ARHGAP15: variants seen among roughly 807,000 people sequenced by gnomAD.
The protein encoded by ARHGAP15 is Rho GTPase activating protein 15, also known as rho GTPase-activating protein 15.
ARHGAP15 carries 51 observed loss-of-function variants against 63.7 expected under a neutral mutation model. That is an observed-to-expected ratio of 0.80 (90% CI 0.64 to 1.01). ARHGAP15 has a LOEUF of 1.01. Among genes scored for constraint, ARHGAP15 ranks in the 50% least tolerant of loss-of-function variants. The pLI, the probability that ARHGAP15 is intolerant of heterozygous loss-of-function variation, is 0.00. For synonymous variants in ARHGAP15, 191 were observed against 193.8 expected, an observed-to-expected ratio of 0.99 and a Z score of 0.12; for missense variants, 560 against 564.6, an observed-to-expected ratio of 0.99 and a Z score of 0.08.
chr2:143,643,765 G>A (rs773516970), intron 12 of ARHGAP15, among the ~76,000 whole-genome samples: 1 of 152,078 alleles, frequency 6.6e-6, no homozygotes, highest in African/African-American at 2.4e-5. Context: ...AAGAAAAGTT[G>A]CAATGATTTA....
intron 12 of ARHGAP15, among the ~76,000 whole-genome samples, chr2:143,630,148 A>C (rs2105252794): frequency 6.6e-6 from 1 of 152,194 alleles, no homozygotes; most frequent in Admixed American, 6.5e-5. Flanking sequence ...TTGGAGTTTT[A>C]GGTTAGAAAT....
intron 6 of ARHGAP15, among the ~76,000 whole-genome samples, chr2:143,368,387 T>C (rs937633956): frequency 4.6e-5 from 7 of 152,098 alleles, no homozygotes; most frequent in Admixed American, 3.9e-4. Flanking sequence ...TTCCACATTA[T>C]AATTGAAAGG....
chr2:143,433,471 A>C (rs1379966461), intron 6 of ARHGAP15, among the ~76,000 whole-genome samples: 1 of 152,092 alleles, frequency 6.6e-6, no homozygotes, highest in African/African-American at 2.4e-5. Context: ...TCTCAAAATG[A>C]ATTCGTAAAT....
chr2:143,757,519 A>AAT (rs376858993), intron 13 of ARHGAP15, among the ~76,000 whole-genome samples: 2,549 of 150,966 alleles, frequency 0.017, 68 homozygotes, highest in African/African-American at 0.057. Context: ...TCAAAAAGAA[A>AAT]ATATATATAT....
At chr2:143,661,568 G>A (rs915466633) in intron 12 of ARHGAP15, among the ~76,000 whole-genome samples, 33 of 152,136 alleles carry the variant, frequency 2.2e-4, no homozygotes, top group Admixed American at 6.5e-4. Context: ...TGCTCGGGAG[G>A]AGCCAAGATG....
intron 6 of ARHGAP15, among the ~76,000 whole-genome samples, chr2:143,302,826 T>C (rs1682967208): frequency 6.6e-6 from 1 of 152,048 alleles, no homozygotes; most frequent in Non-Finnish European, 1.5e-5. Flanking sequence ...AAGTAAACTC[T>C]TGTAATCTAA....
chr2:143,474,227 G>GT (rs1239817932), intron 8 of ARHGAP15, among the ~76,000 whole-genome samples: 1 of 151,992 alleles, frequency 6.6e-6, no homozygotes, highest in East Asian at 1.9e-4. Flanking sequence ...CAGATTTCAG[G>GT]TTACCAAAAG....
intron 2 of ARHGAP15, among the ~76,000 whole-genome samples, chr2:143,170,859 A>G (rs1457903454): frequency 6.6e-6 from 1 of 152,138 alleles, no homozygotes; most frequent in Admixed American, 6.6e-5. Context: ...TTATGTGTTC[A>G]TATTATAGAT....
chr2:143,154,408 T>C (rs2581263), intron 1 of ARHGAP15, among the ~76,000 whole-genome samples: 99,600 of 151,702 alleles, frequency 0.66, 33,185 homozygotes, highest in East Asian at 0.92. Flanking sequence ...CCAACAAACA[T>C]TGGGGTGGCT....
chr2:143,535,070 T>C (rs1694693356), intron 10 of ARHGAP15, among the ~76,000 whole-genome samples: 2 of 152,144 alleles, frequency 1.3e-5, no homozygotes, highest in African/African-American at 4.8e-5. Context: ...TTAAAATAAA[T>C]TGTGATTAAT....
At chr2:143,261,639 T>C (rs925783049) in intron 6 of ARHGAP15, among the ~76,000 whole-genome samples, 1 of 152,022 alleles carries the variant, frequency 6.6e-6, no homozygotes, top group African/African-American at 2.4e-5. Context: ...TAAGCCACGG[T>C]GCCTGGCCGA....
chr2:143,519,284 A>G lies in ARHGAP15; in HGVS notation c.845A>G (p.His282Arg). The G allele has an allele frequency of 6.2e-7, 1 of 1,613,100 alleles. No homozygotes were observed. Among genetic ancestry groups the G allele is most frequent in the Non-Finnish European group, 8.5e-7 (1 of 1,179,232 alleles). The change falls in exon 10 of 14, where the codon CAT (histidine) becomes CGT (arginine). Residue 282 changes from histidine (H) to arginine (R), a missense_variant. By Grantham distance (29) the His-to-Arg change is conservative. Coordinates refer to ENST00000295095, the MANE Select transcript of ARHGAP15 (RefSeq NM_018460.4). ...GLIKDQIFGS[H>R]LHKVCERENS... The stretch of plus-strand genomic sequence containing the variant: ...TTTGCAGATCAAATTTTTGGCTCTC[A>G]TCTGCACAAAGTGTGTGAACGTGAA...
At chr2:143,296,623 A>T (rs1682643566) in intron 6 of ARHGAP15, among the ~76,000 whole-genome samples, 1 of 152,004 alleles carries the variant, frequency 6.6e-6, no homozygotes, top group African/African-American at 2.4e-5. Flanking sequence ...GGGTCTTACC[A>T]GCTCTGATTT....
chr2:143,746,790 T>C (rs1686181793), intron 13 of ARHGAP15, among the ~76,000 whole-genome samples: 1 of 152,046 alleles, frequency 6.6e-6, no homozygotes, highest in Non-Finnish European at 1.5e-5. Context: ...AGAAAGCAAA[T>C]AAGCAAGTGA....
chr2:143,138,281 A>C (rs1689225306), intron 1 of ARHGAP15, among the ~76,000 whole-genome samples: 1 of 152,118 alleles, frequency 6.6e-6, no homozygotes, highest in African/African-American at 2.4e-5. Flanking sequence ...TAAGGTTAAG[A>C]GATTAAATAT....
rs534445062 is a variant in ARHGAP15, at chr2:143,617,335, C to T, written c.1004-6798C>T. ...GGGGCATTGTATTAGTTTGCTTGAGCTACCATACTAAAGTACCACAGACTG... is the reference window on the plus strand; with the variant it reads ...GGGGCATTGTATTAGTTTGCTTGAGTTACCATACTAAAGTACCACAGACTG... On this transcript the variant is annotated intron_variant, in intron 11 of 13. Transcript: ENST00000295095. Among the ~76,000 whole-genome samples the T allele has an allele frequency of 7.9e-5, 12 of 152,266 alleles. No individual in the cohort carries two copies. The East Asian group carries it at 2.3e-3, about 29-fold the overall frequency.
At chr2:143,294,798 G>A (rs1047096194) in intron 6 of ARHGAP15, among the ~76,000 whole-genome samples, 2 of 152,052 alleles carry the variant, frequency 1.3e-5, no homozygotes, top group Non-Finnish European at 2.9e-5. Flanking sequence ...AATGGCTCTT[G>A]TTACTAGATC....
intron 10 of ARHGAP15, among the ~76,000 whole-genome samples, chr2:143,554,180 C>A (rs1261589311): frequency 6.6e-6 from 1 of 152,084 alleles, no homozygotes; most frequent in East Asian, 1.9e-4. Flanking sequence ...TTTTAGAGAA[C>A]ATAGACCCAC....
intron 12 of ARHGAP15, among the ~76,000 whole-genome samples, chr2:143,651,644 C>T (rs1482706695): frequency 6.6e-6 from 1 of 151,952 alleles, no homozygotes; most frequent in African/African-American, 2.4e-5. Flanking sequence ...AACTGCCAAA[C>T]TGTATTGCAG....
Sources: allele counts gnomAD v4.1 joint callset (sites outside exome capture counted in the v4.1 genomes callset), GRCh38; gene constraint gnomAD v4.1.1; transcripts MANE v1.5; gene names NCBI Gene and HGNC (gene_info 2026-07-23, HGNC 2026-07-21).